P2RY2: variants seen among roughly 807,000 people sequenced by gnomAD.
P2RY2 encodes the protein purinergic receptor P2Y2, also known as P2Y purinoceptor 2.
For synonymous variants in P2RY2, 241 were observed against 231.9 expected (o/e 1.04, Z -0.35); for missense variants, 567 against 515.7 (o/e 1.10, Z -0.96).
chr11:73,240,513 G>A lies in P2RY2; in HGVS notation c.*5220G>A, dbSNP rs1274530612. The A allele has an allele frequency of 6.6e-6, 1 of 152,208 alleles. No homozygotes were observed. The allele number at this position is 152,208 out of a possible 1,614,324, so 9.4% of individuals were successfully genotyped here. The stretch of plus-strand genomic sequence containing the variant: ...TGTGAAACATCACGTGAGACTCCTG[G>A]GAGACACAACCAGTTGGAATGAGTT... On this transcript the variant is annotated 3_prime_UTR_variant, in exon 3 of 3. Coordinates refer to ENST00000393597, the MANE Select transcript of P2RY2 (RefSeq NM_002564.4).
At chr11:73,227,888 G>C (rs183235380) in intron 1 of P2RY2, 93 bp from the exon 2 acceptor site, 1 of 152,188 alleles carries the variant, frequency 6.6e-6, no homozygotes, top group Admixed American at 6.5e-5. Context: ...TCTGGTTAAG[G>C]TTACCACAAA....
At chr11:73,228,906 A>G (rs1862364143) in intron 2 of P2RY2, among the ~76,000 whole-genome samples, 1 of 151,926 alleles carries the variant, frequency 6.6e-6, no homozygotes, top group Non-Finnish European at 1.5e-5. Flanking sequence ...TAGGTAGTGA[A>G]CTCCCTGTTT....
chr11:73,228,131 G>A lies in P2RY2; in HGVS notation c.-49G>A, dbSNP rs1043814065. 2.0e-5 allele frequency: 3 copies of A among 150,328 alleles called. No individual in the cohort carries two copies. Among genetic ancestry groups the A allele is most frequent in the Non-Finnish European group, 4.4e-5 (3 of 67,732 alleles). The allele number at this position is 150,328 out of a possible 1,614,324, so 9.3% of individuals were successfully genotyped here. A position where few individuals can be genotyped will look rare whatever the true frequency, so the allele number is the denominator to read the frequency against. ...GTGTGCATTCATGAGTGAGGAACCCGTGCAGGCGCTGAGCATCCTGACCTG... is the reference window on the plus strand; with the variant it reads ...GTGTGCATTCATGAGTGAGGAACCCATGCAGGCGCTGAGCATCCTGACCTG... On this transcript the variant is annotated 5_prime_UTR_variant, in exon 2 of 3. In the 5' UTR this introduces an upstream ATG that the reference lacks. Coordinates refer to ENST00000393597, the MANE Select transcript of P2RY2 (RefSeq NM_002564.4).
At chr11:73,222,830 G>A (rs1430311978) in intron 1 of P2RY2, among the ~76,000 whole-genome samples, 3 of 152,116 alleles carry the variant, frequency 2.0e-5, no homozygotes, top group Non-Finnish European at 4.4e-5. Context: ...GCTTGCCTTG[G>A]TTATGGTTTA....
At position 73,234,888 on chromosome 11, in the gene P2RY2, C is replaced by T; in HGVS notation, c.729C>T (p.Ser243=). The T allele has an allele frequency of 2.5e-6, 4 of 1,610,768 alleles. No homozygotes were observed. In the South Asian group the frequency reaches 3.3e-5, roughly 13 times the overall value. ...GCCTGCCTAGGGCCAAGCGCAAGTC[C>T]GTGCGCACCATCGCCGTGGTGCTGG... ...SGGLPRAKRK[S]VRTIAVVLAV... is the part of the protein sequence containing the mutation. The change falls in exon 3 of 3, where the codon TCC becomes TCT. Residue 243 remains serine, a synonymous_variant. Transcript: ENST00000393597.
chr11:73,236,557 G>T lies in P2RY2; in HGVS notation c.*1264G>T. ...GGATGCATCCCAGGCAAAGACATGG[G>T]GCAAGAGGGCAGGGTGTGCATGAGC... On this transcript the variant is annotated 3_prime_UTR_variant, in exon 3 of 3. Coordinates refer to ENST00000393597, the MANE Select transcript of P2RY2 (RefSeq NM_002564.4). The T allele has an allele frequency of 8.1e-6, 8 of 985,346 alleles. No individual in the cohort carries two copies. Among genetic ancestry groups the T allele is most frequent in the Non-Finnish European group, 9.6e-6 (8 of 829,886 alleles). The allele number at this position is 985,346 out of a possible 1,614,324, so 61.0% of individuals were successfully genotyped here.
At chr11:73,226,429 G>A (rs1862279614) in intron 1 of P2RY2, among the ~76,000 whole-genome samples, 1 of 152,026 alleles carries the variant, frequency 6.6e-6, no homozygotes, top group Non-Finnish European at 1.5e-5. Flanking sequence ...CCAGCCCACC[G>A]GCCTTGTCAA....
intron 1 of P2RY2, among the ~76,000 whole-genome samples, chr11:73,225,736 T>C (rs1862259049): frequency 7.3e-6 from 1 of 137,324 alleles, no homozygotes; most frequent in Admixed American, 7.3e-5. Flanking sequence ...AGCACTAAAC[T>C]CTTGTTGTGA....
Position 73,234,738 on chromosome 11 carries a change from C to A in P2RY2, c.579C>A (p.Ser193Arg), listed in dbSNP as rs1262976110. Residue 193 changes from serine (S) to arginine (R), a missense_variant, in exon 3 of 3, where the codon AGC (serine) becomes AGA (arginine). Physicochemically the swap from Ser to Arg is moderately radical, Grantham distance 110. Transcript: ENST00000393597. ...CHDTSAPELF[S>R]RFVAYSSVML... The stretch of plus-strand genomic sequence containing the variant: ...ACACCTCGGCACCCGAGCTCTTCAG[C>A]CGCTTCGTGGCCTACAGCTCAGTCA... 23 of 1,610,138 alleles carry A rather than the reference C, an allele frequency of 1.4e-5. No homozygotes were observed. The highest frequency in any genetic ancestry group is 1.7e-5 in the Non-Finnish European group (20 of 1,179,764).
chr11:73,235,281 C>T lies in P2RY2; in HGVS notation c.1122C>T (p.Asp374=). 1 of 1,557,536 alleles carries T rather than the reference C, an allele frequency of 6.4e-7. No homozygotes were observed. Among genetic ancestry groups the T allele is most frequent in the Middle Eastern group, 1.7e-4 (1 of 5,788 alleles). The stretch of plus-strand genomic sequence containing the variant: ...CGGCTGGTAGCGAGAACACTAAGGA[C>T]ATTCGGCTGTAGGAGCAGAACACTT... The part of the protein sequence containing the change: ...STPAGSENTK[D]IRL Residue 374 remains aspartate, a synonymous_variant, in exon 3 of 3, where the codon GAC becomes GAT. Coordinates refer to ENST00000393597, the MANE Select transcript of P2RY2 (RefSeq NM_002564.4).
Position 73,242,134 on chromosome 11 carries a change from G to T in P2RY2, c.*6841G>T, listed in dbSNP as rs1862787821. 2.0e-5 allele frequency: 3 copies of T among 152,132 alleles called. No homozygotes were observed. The highest frequency in any genetic ancestry group is 7.2e-5 in the African/African-American group (3 of 41,412). The allele number at this position is 152,132 out of a possible 1,614,324, so 9.4% of individuals were successfully genotyped here. On this transcript the variant is annotated 3_prime_UTR_variant, in exon 3 of 3. Transcript: ENST00000393597. ...AACCCTGAGAAGATGTCTTACCCCA[G>T]TTGTTTCCAGGTTTCTTTAGAAAGC...
At position 73,239,045 on chromosome 11, in the gene P2RY2, C is replaced by T. The variant is rs943976012; in HGVS notation, c.*3752C>T. 1 of 152,250 alleles carries T rather than the reference C, an allele frequency of 6.6e-6. No individual in the cohort carries two copies. Among genetic ancestry groups the T allele is most frequent in the Non-Finnish European group, 1.5e-5 (1 of 68,054 alleles). The allele number at this position is 152,250 out of a possible 1,614,324, so 9.4% of individuals were successfully genotyped here. A position where few individuals can be genotyped will look rare whatever the true frequency, so the allele number is the denominator to read the frequency against. On this transcript the variant is annotated 3_prime_UTR_variant, in exon 3 of 3. Coordinates refer to ENST00000393597, the MANE Select transcript of P2RY2 (RefSeq NM_002564.4). ...ACCTTCCATGCAGGGCGTTGAGGGG[C>T]TTCCCTACGTTATTACGCACAAAGT...
chr11:73,240,336 T>G lies in P2RY2; in HGVS notation c.*5043T>G, dbSNP rs1042502096. The G allele has an allele frequency of 1.3e-5, 2 of 152,692 alleles. No homozygotes were observed. Among genetic ancestry groups the G allele is most frequent in the Non-Finnish European group, 2.9e-5 (2 of 68,466 alleles). The allele number at this position is 152,692 out of a possible 1,614,324, so 9.5% of individuals were successfully genotyped here. A position where few individuals can be genotyped will look rare whatever the true frequency, so the allele number is the denominator to read the frequency against. On this transcript the variant is annotated 3_prime_UTR_variant, in exon 3 of 3. Coordinates refer to ENST00000393597, the MANE Select transcript of P2RY2 (RefSeq NM_002564.4). ...CAGTACAATGACTGCCCTGGACCAT[T>G]GTCCAGCAGTGACGCGGGGGACCTG...
At chr11:73,218,727 G>A (rs1276917282) in intron 1 of P2RY2, 4 of 152,504 alleles carry the variant, frequency 2.6e-5, no homozygotes, top group African/African-American at 7.2e-5. Flanking sequence ...GCGTGTTAGC[G>A]GGTGAGTGTG....
At chr11:73,232,072 C>CAAATA (rs901995883) in intron 2 of P2RY2, among the ~76,000 whole-genome samples, 2 of 152,024 alleles carry the variant, frequency 1.3e-5, no homozygotes, top group African/African-American at 4.8e-5. Context: ...TAAAAATAAA[C>CAAATA]AAATAAAATA....
Position 73,235,865 on chromosome 11 carries a change from C to G in P2RY2, c.*572C>G, listed in dbSNP as rs1862639159. ...CTGGGGACTAATATCATAGACCCAT[C>G]TGGAGGCTCCCATGGGCTAGGAGCC... On this transcript the variant is annotated 3_prime_UTR_variant, in exon 3 of 3. Transcript: ENST00000393597. The G allele has an allele frequency of 1.0e-6, 1 of 1,000,398 alleles. No homozygotes were observed. The highest frequency in any genetic ancestry group is 6.1e-5 in the Admixed American group (1 of 16,280). 62.0% of individuals were successfully genotyped at this position (1,000,398 alleles called of 1,614,324 possible). A position where few individuals can be genotyped will look rare whatever the true frequency, so the allele number is the denominator to read the frequency against.
chr11:73,237,944 C>G lies in P2RY2; in HGVS notation c.*2651C>G, dbSNP rs150594575. ...CCTATTACCCTCCAATATTCCCTGC[C>G]CCCTTCACACCTCCCTAACCTGACA... On this transcript the variant is annotated 3_prime_UTR_variant, in exon 3 of 3. Coordinates refer to ENST00000393597, the MANE Select transcript of P2RY2 (RefSeq NM_002564.4). 2.0e-5 allele frequency among the ~76,000 whole-genome samples: 3 copies of G among 152,326 alleles called. No homozygotes were observed. The East Asian group carries it at 5.8e-4, about 29-fold the overall frequency.
rs1214250871 is a variant in P2RY2, at chr11:73,237,147, G to C, written c.*1854G>C. The C allele has an allele frequency of 1.0e-6, 1 of 984,498 alleles. No homozygotes were observed. Among genetic ancestry groups the C allele is most frequent in the East Asian group, 1.1e-4 (1 of 8,826 alleles). The allele number at this position is 984,498 out of a possible 1,614,324, so 61.0% of individuals were successfully genotyped here. A position where few individuals can be genotyped will look rare whatever the true frequency, so the allele number is the denominator to read the frequency against. On this transcript the variant is annotated 3_prime_UTR_variant, in exon 3 of 3. Transcript: ENST00000393597. ...AGACCATGACCCAAATGATTACTCT[G>C]TACTGTGCCAGGTGGGTGACCTGCC...
At position 73,235,496 on chromosome 11, in the gene P2RY2, G is replaced by C. The variant is rs1862626626; in HGVS notation, c.*203G>C. On this transcript the variant is annotated 3_prime_UTR_variant, in exon 3 of 3. Coordinates refer to ENST00000393597, the MANE Select transcript of P2RY2 (RefSeq NM_002564.4). The stretch of plus-strand genomic sequence containing the variant: ...CCCATAACCCCTAGTCATCGTTTGT[G>C]TGTATAAGTTGGGGGAATTAAGTTT... 3.0e-6 allele frequency: 4 copies of C among 1,313,300 alleles called. No homozygotes were observed. The Admixed American group carries it at 1.5e-4, about 49-fold the overall frequency. 81.4% of individuals were successfully genotyped at this position (1,313,300 alleles called of 1,614,324 possible).
Sources: allele counts gnomAD v4.1 joint callset (sites outside exome capture counted in the v4.1 genomes callset), GRCh38; gene constraint gnomAD v4.1.1; transcripts MANE v1.5; gene names NCBI Gene and HGNC (gene_info 2026-07-23, HGNC 2026-07-21).